Variants in CHI3L1 observed in about 807,000 individuals in gnomAD.
CHI3L1 encodes the protein chitinase-3-like protein 1.
Under a neutral mutation model 40.7 loss-of-function variants are expected in CHI3L1, and 30 were observed. That is an observed-to-expected ratio of 0.74 (90% confidence interval 0.55 to 1.00). The LOEUF (loss-of-function observed/expected upper bound fraction) is 1.00, where lower values mean the gene tolerates loss of function less well. Ranked by LOEUF, CHI3L1 falls within the 50% of genes least tolerant of loss-of-function variation. The pLI, the probability that CHI3L1 is intolerant of heterozygous loss-of-function variation, is 0.00. For missense variants in CHI3L1, 493 were observed against 492.2 expected, an observed-to-expected ratio of 1.00 and a Z score of -0.01; for synonymous variants, 210 against 192.1, an observed-to-expected ratio of 1.09 and a Z score of -0.77.
At chr1:203,186,384 C>T in intron 1 of CHI3L1, 39 bp from the exon 2 acceptor site, 1 of 1,575,568 alleles carries the variant, frequency 6.3e-7, no homozygotes. Flanking sequence ...GCAAGTGCAT[C>T]CTGCCCTTCC....
chr1:203,183,606 C>G, intron 5 of CHI3L1, 35 bp downstream of exon 5: 1 of 1,611,166 alleles, frequency 6.2e-7, no homozygotes, highest in East Asian at 2.2e-5. Flanking sequence ...CTCATGCCTG[C>G]CCACCTCCCT....
intron 7 of CHI3L1, 44 bp from the exon 8 acceptor site, chr1:203,180,696 G>C: frequency 6.8e-7 from 1 of 1,472,414 alleles, no homozygotes; most frequent in East Asian, 2.4e-5. Flanking sequence ...TTAGTGCACA[G>C]GTGCGGAAGG....
chr1:203,185,425 G>C (rs377244642), intron 2 of CHI3L1, 40 bp from the exon 3 acceptor site: 1 of 1,583,882 alleles, frequency 6.3e-7, no homozygotes, highest in Non-Finnish European at 8.7e-7. Context: ...GCCAGGATTC[G>C]GCAAGAGACC....
chr1:203,186,097 G>A (rs371845994), intron 2 of CHI3L1, among the ~76,000 whole-genome samples: 2 of 152,166 alleles, frequency 1.3e-5, no homozygotes, highest in East Asian at 3.8e-4. Context: ...ACCTTTTAAA[G>A]TTTCTTATTT....
chr1:203,182,878 G>A (rs1426272807), intron 5 of CHI3L1, 26 bp from the exon 6 acceptor site: 1 of 1,613,060 alleles, frequency 6.2e-7, no homozygotes, highest in Non-Finnish European at 8.5e-7. Flanking sequence ...GCAGGTGAGA[G>A]AAAGGGTCCC....
Position 203,182,872 on chromosome 1 carries a change from G to A in CHI3L1, c.466-20C>T. On this transcript the variant is annotated intron_variant, in intron 5 of 9. Transcript: ENST00000255409. The stretch of plus-strand genomic sequence containing the variant: ...CATTTCCTAGATGGGAGACAGGCAG[G>A]TGAGAGAAAGGGTCCCAAGTGGCAT... 1 of 1,613,426 alleles carries A rather than the reference G, an allele frequency of 6.2e-7. No individual in the cohort carries two copies. Among genetic ancestry groups the A allele is most frequent in the Non-Finnish European group, 8.5e-7 (1 of 1,179,642 alleles).
At chr1:203,185,428 A>C in intron 2 of CHI3L1, 43 bp from the exon 3 acceptor site, 7 of 1,575,924 alleles carry the variant, frequency 4.4e-6, no homozygotes, top group Non-Finnish European at 6.1e-6. Context: ...AGGATTCGGC[A>C]AGAGACCTCA....
chr1:203,179,356 C>T lies in CHI3L1; in HGVS notation c.*89G>A. On this transcript the variant is annotated 3_prime_UTR_variant, in exon 10 of 10. Coordinates refer to ENST00000255409, the MANE Select transcript of CHI3L1 (RefSeq NM_001276.4). ...GGAGACTGAGGCTCAGCCTGGGACTCAGCAGGGCAGGTGATCAGGCTCCCG... is the reference window on the plus strand; with the variant it reads ...GGAGACTGAGGCTCAGCCTGGGACTTAGCAGGGCAGGTGATCAGGCTCCCG... 1.6e-6 allele frequency: 2 copies of T among 1,217,084 alleles called. No homozygotes were observed. Among genetic ancestry groups the T allele is most frequent in the Non-Finnish European group, 2.3e-6 (2 of 864,262 alleles). The allele number at this position is 1,217,084 out of a possible 1,614,324, so 75.4% of individuals were successfully genotyped here. A position where few individuals can be genotyped will look rare whatever the true frequency, so the allele number is the denominator to read the frequency against.
At position 203,179,792 on chromosome 1, in the gene CHI3L1, C is replaced by T. The variant is rs1400057679; in HGVS notation, c.980G>A (p.Gly327Glu). Residue 327 changes from glycine to glutamate, a missense_variant, in exon 9 of 10, where the codon GGA (glycine) becomes GAA (glutamate). Transcript: ENST00000255409. ...TTTGACGCTTTCCTGGTCGTCGTAT[C>T]CTACCCACTGGTTGCCCTTGGTGGC... ...PYATKGNQWV[G>E]YDDQESVKSK... The T allele has an allele frequency of 1.9e-6, 3 of 1,614,232 alleles. No individual in the cohort carries two copies. Among genetic ancestry groups the T allele is most frequent in the Middle Eastern group, 1.6e-4 (1 of 6,062 alleles).
At chr1:203,180,449 C>T (rs1484531708) in intron 8 of CHI3L1, 21 bp downstream of exon 8, 1 of 1,527,212 alleles carries the variant, frequency 6.5e-7, no homozygotes, top group African/African-American at 1.4e-5. Context: ...GGGAATCCTA[C>T]CTTCTCCCCA....
chr1:203,183,774 G>C lies in CHI3L1; in HGVS notation c.332C>G (p.Ser111Cys). 6.2e-7 allele frequency: 1 copy of C among 1,614,204 alleles called. No homozygotes were observed. Among genetic ancestry groups the C allele is most frequent in the South Asian group, 1.1e-5 (1 of 91,086 alleles). ...GAAAGTCCGGCGACTCTGGGTGTTG[G>C]AGGCTATCTTGGAAAATCTAGGACC... ...FGSQRFSKIASNTQSRRTFIK... is the reference protein window; with the variant it reads ...FGSQRFSKIACNTQSRRTFIK... The change falls in exon 5 of 10, where the codon TCC (serine) becomes TGC (cysteine). Residue 111 changes from serine to cysteine, a missense_variant. Ser to Cys is a moderately radical substitution (Grantham distance 112, BLOSUM62 -1). Transcript: ENST00000255409.
In CHI3L1 at chr1:203,179,791, T is replaced by C. The variant is rs766443110; in HGVS notation, c.981A>G (p.Gly327=). 6.2e-7 allele frequency: 1 copy of C among 1,614,154 alleles called. No individual in the cohort carries two copies. Among genetic ancestry groups the C allele is most frequent in the Non-Finnish European group, 8.5e-7 (1 of 1,180,030 alleles). The change falls in exon 9 of 10, where the codon GGA becomes GGG. Residue 327 remains glycine (G), a synonymous_variant. Coordinates refer to ENST00000255409, the MANE Select transcript of CHI3L1 (RefSeq NM_001276.4). ...PYATKGNQWV[G]YDDQESVKSK... ...TTTTGACGCTTTCCTGGTCGTCGTA[T>C]CCTACCCACTGGTTGCCCTTGGTGG...
At chr1:203,185,459 A>G in intron 2 of CHI3L1, 74 bp from the exon 3 acceptor site, 1 of 1,325,146 alleles carries the variant, frequency 7.5e-7, no homozygotes, top group Non-Finnish European at 1.1e-6. Context: ...AGAGCTGAGC[A>G]CCAATGGGGT....
chr1:203,183,523 T>G, intron 5 of CHI3L1, 118 bp downstream of exon 5: 1 of 1,076,414 alleles, frequency 9.3e-7, no homozygotes, highest in South Asian at 1.4e-5. Flanking sequence ...GACACTGCCC[T>G]GAGGCTGAAG....
Position 203,179,679 on chromosome 1 carries a change from T to A in CHI3L1, c.1011+82A>T, listed in dbSNP as rs567485587. The A allele has an allele frequency of 1.2e-5, 20 of 1,614,002 alleles. No individual in the cohort carries two copies. The African/African-American group carries it at 2.1e-4, about 17-fold the overall frequency. ...TCTGTGAGCCCAGCCCAGACCTCAG[T>A]GCAAGGGACAGGAATCTGGCTGCTG... On this transcript the variant is annotated intron_variant, in intron 9 of 9. Transcript: ENST00000255409.
In CHI3L1 at chr1:203,185,324, C is replaced by A. The variant is rs777069933; in HGVS notation, c.117G>T (p.Gly39=). The change falls in exon 3 of 10, where the codon GGG becomes GGT. Residue 39 remains glycine (G), a synonymous_variant. Transcript: ENST00000255409. ...TSWSQYREGD[G]SCFPDALDRF... ...GGTCAAGGGCATCTGGGAAGCAGCT[C>A]CCATCGCCTTCCCGGTACTGGGACC... 1 of 1,614,156 alleles carries A rather than the reference C, an allele frequency of 6.2e-7. No individual in the cohort carries two copies. Among genetic ancestry groups the A allele is most frequent in the Non-Finnish European group, 8.5e-7 (1 of 1,180,018 alleles).
At chr1:203,181,965 C>T (rs561553843) in intron 6 of CHI3L1, 1 of 152,558 alleles carries the variant, frequency 6.6e-6, no homozygotes, top group African/African-American at 2.4e-5. Context: ...TGACCTGAAC[C>T]TAAGATGACT....
At chr1:203,186,429 C>T in intron 1 of CHI3L1, 84 bp from the exon 2 acceptor site, 1 of 1,491,928 alleles carries the variant, frequency 6.7e-7, no homozygotes, top group Non-Finnish European at 9.1e-7. Flanking sequence ...TGAGACCCAC[C>T]TCCCCCACCC....
intron 7 of CHI3L1, 112 bp downstream of exon 7, chr1:203,181,050 T>C: frequency 7.3e-7 from 1 of 1,377,472 alleles, no homozygotes. Flanking sequence ...ATGGGCCTCA[T>C]GACCCCCCTC....
Sources: gnomAD v4.1 joint callset for allele counts (sites outside exome capture counted in the v4.1 genomes callset) on GRCh38, gnomAD v4.1.1 for gene constraint, MANE v1.5 for transcripts, NCBI Gene and HGNC (gene_info 2026-07-23, HGNC 2026-07-21) for gene names.